Variants in ANXA13 observed in about 807,000 individuals in gnomAD.
ANXA13 encodes annexin XIII.
ANXA13 carries 36 observed loss-of-function variants against 46.6 expected under a neutral mutation model. The ratio of observed to expected loss-of-function variants is 0.77; its 90% CI spans 0.59 to 1.02. The LOEUF is 1.02. Ranked by LOEUF, ANXA13 falls within the 50% of genes least tolerant of loss-of-function variation. The pLI is 0.00. For missense variants in ANXA13, 417 were observed against 396.5 expected, an observed-to-expected ratio of 1.05 and a Z score of -0.44; for synonymous variants, 163 against 152.9, an observed-to-expected ratio of 1.07 and a Z score of -0.49.
intron 9 of ANXA13, 119 bp downstream of exon 9, chr8:123,688,752 G>A: frequency 1.2e-6 from 1 of 852,358 alleles, no homozygotes; most frequent in Non-Finnish European, 2.0e-6. Context: ...GCTCAGTGCT[G>A]CTTAGACCTG....
intron 1 of ANXA13, among the ~76,000 whole-genome samples, chr8:123,718,733 T>C (rs1449276113): frequency 6.6e-6 from 1 of 152,246 alleles, no homozygotes; most frequent in Non-Finnish European, 1.5e-5. Flanking sequence ...TGATCCATTT[T>C]TCTCAAAGGA....
intron 1 of ANXA13, among the ~76,000 whole-genome samples, chr8:123,724,526 A>G (rs747922484): frequency 3.3e-5 from 5 of 152,230 alleles, no homozygotes; most frequent in Non-Finnish European, 5.9e-5. Flanking sequence ...ATCCCGGTAA[A>G]GGAGGAAGAC....
intron 1 of ANXA13, among the ~76,000 whole-genome samples, chr8:123,718,727 C>G (rs1402398245): frequency 6.6e-6 from 1 of 152,168 alleles, no homozygotes; most frequent in Non-Finnish European, 1.5e-5. Flanking sequence ...CATGAATGAT[C>G]CATTTTTCTC....
chr8:123,722,111 C>A (rs1048021995), intron 1 of ANXA13, among the ~76,000 whole-genome samples: 1 of 152,066 alleles, frequency 6.6e-6, no homozygotes, highest in African/African-American at 2.4e-5. Context: ...TCAAGACCAG[C>A]CTGGGCAACA....
chr8:123,691,656 G>C (rs1341142800), intron 8 of ANXA13, among the ~76,000 whole-genome samples: 1 of 152,202 alleles, frequency 6.6e-6, no homozygotes, highest in East Asian at 1.9e-4. Flanking sequence ...ACATACAGCT[G>C]TAGCCTAAAG....
At chr8:123,717,999 G>T (rs1813792183) in intron 1 of ANXA13, among the ~76,000 whole-genome samples, 1 of 152,270 alleles carries the variant, frequency 6.6e-6, no homozygotes, top group African/African-American at 2.4e-5. Flanking sequence ...TGCGCCCAGA[G>T]AAAGAGTAAA....
At chr8:123,703,581 T>C (rs1456559895) in intron 2 of ANXA13, among the ~76,000 whole-genome samples, 1 of 152,186 alleles carries the variant, frequency 6.6e-6, no homozygotes, top group African/African-American at 2.4e-5. Context: ...GTGCTTACAA[T>C]TGCATGAACA....
intron 2 of ANXA13, 90 bp downstream of exon 2, chr8:123,712,588 T>A: frequency 8.9e-7 from 1 of 1,119,116 alleles, no homozygotes; most frequent in Non-Finnish European, 1.4e-6. Context: ...GATAGTGAGA[T>A]GTCAGCTTCC....
chr8:123,729,344 A>C (rs1421162979), intron 1 of ANXA13: 1 of 152,226 alleles, frequency 6.6e-6, no homozygotes, highest in African/African-American at 2.4e-5. Flanking sequence ...CAACACATAG[A>C]AAGAAGAGAG....
intron 1 of ANXA13, among the ~76,000 whole-genome samples, chr8:123,724,537 A>G (rs926586056): frequency 6.6e-6 from 1 of 152,232 alleles, no homozygotes; most frequent in Admixed American, 6.5e-5. Context: ...GGAGGAAGAC[A>G]ACTTAGAAAT....
intron 2 of ANXA13, among the ~76,000 whole-genome samples, chr8:123,703,200 G>A (rs901008125): frequency 1.3e-5 from 2 of 152,230 alleles, no homozygotes; most frequent in Non-Finnish European, 2.9e-5. Context: ...ACTGATAGAT[G>A]TTATAACATG....
At position 123,683,584 on chromosome 8, in the gene ANXA13, C is replaced by CTTTTTTTTT; in HGVS notation, c.831+1017_831+1025dup. Among the ~76,000 whole-genome samples the CTTTTTTTTT allele has an allele frequency of 2.0e-5, 2 of 100,824 alleles. 1 individual carries two copies. 66.1% of individuals were successfully genotyped at this position (100,824 alleles called of 152,430 possible). A position where few individuals can be genotyped will look rare whatever the true frequency, so the allele number is the denominator to read the frequency against. On this transcript the variant is annotated intron_variant, in intron 10 of 10. Coordinates refer to ENST00000419625, the MANE Select transcript of ANXA13 (RefSeq NM_004306.4). ...CATATCCCGAACTGTTAGCTGTGAC[C>CTTTTTTTTT]TTTTTTTTTTTTTTTTTTTTGAGAC...
In ANXA13 at chr8:123,737,270, C is replaced by G. The variant is rs200547444; in HGVS notation, c.15+50G>C. 32 of 1,568,982 alleles carry G rather than the reference C, an allele frequency of 2.0e-5. No individual in the cohort carries two copies. The Admixed American group carries it at 5.4e-4, about 27-fold the overall frequency. On this transcript the variant is annotated intron_variant, in intron 1 of 10. Transcript: ENST00000419625. ...CATGATTTTATAGTTTAAATTCTTC[C>G]ACATGCTAACCAAAATTAAAACCAA...
intron 3 of ANXA13, among the ~76,000 whole-genome samples, chr8:123,698,836 T>C (rs1813393091): frequency 6.6e-6 from 1 of 152,196 alleles, no homozygotes; most frequent in Admixed American, 6.5e-5. Context: ...ATTTGAGAGC[T>C]CAGAGAGCTT....
chr8:123,729,498 G>T (rs1470334098), intron 1 of ANXA13, among the ~76,000 whole-genome samples: 1 of 152,132 alleles, frequency 6.6e-6, no homozygotes, highest in African/African-American at 2.4e-5. Flanking sequence ...TTGGAGCTTT[G>T]CAGAAAGATT....
intron 10 of ANXA13, among the ~76,000 whole-genome samples, chr8:123,683,503 G>A (rs538869412): frequency 5.8e-5 from 8 of 139,048 alleles, no homozygotes; most frequent in African/African-American, 2.2e-4. Flanking sequence ...GGCTTCTCCT[G>A]CTGCCGATGA....
In ANXA13 at chr8:123,698,371, G is replaced by T. The variant is rs1813381363; in HGVS notation, c.357+18C>A. 6.2e-7 allele frequency: 1 copy of T among 1,612,476 alleles called. No homozygotes were observed. The highest frequency in any genetic ancestry group is 1.3e-5 in the African/African-American group (1 of 74,902). On this transcript the variant is annotated intron_variant, in intron 4 of 10. Coordinates refer to ENST00000419625, the MANE Select transcript of ANXA13 (RefSeq NM_004306.4). ...ATTGGGTGTGTGATGCTCCCTTGCG[G>T]GCTCAGCTGGGACTGACCTTATTGG...
rs534354026 is a variant in ANXA13 at position 123,688,273 on chromosome 8, T to G, written c.718+598A>C. On this transcript the variant is annotated intron_variant, in intron 9 of 10. Transcript: ENST00000419625. ...CGAGATTTGATGATTTTATAAGGGG[T>G]TTCCTCTTTCGCTTGGGTCTTATTC... Among the ~76,000 whole-genome samples, 745 of 152,244 alleles carry G rather than the reference T, an allele frequency of 4.9e-3. 4 individuals carry two copies. The highest frequency in any genetic ancestry group is 6.0e-3 in the Non-Finnish European group (411 of 68,006).
chr8:123,692,416 T>G (rs1334855685), intron 8 of ANXA13, among the ~76,000 whole-genome samples: 1 of 151,906 alleles, frequency 6.6e-6, no homozygotes, highest in Non-Finnish European at 1.5e-5. Flanking sequence ...TAAAATAGGA[T>G]GCCAAAAAAA....
Sources: gnomAD v4.1 joint callset for allele counts (sites outside exome capture counted in the v4.1 genomes callset) on GRCh38, gnomAD v4.1.1 for gene constraint, MANE v1.5 for transcripts, NCBI Gene and HGNC (gene_info 2026-07-23, HGNC 2026-07-21) for gene names.